The following NRXN1 variants were observed in gnomAD, a reference collection of about 807,000 sequenced individuals.
NRXN1 encodes neurexin 1, also known as neurexin-1.
NRXN1 carries 39 observed loss-of-function variants against 150.9 expected under a neutral mutation model. The observed-to-expected ratio is 0.26, with a 90% CI of 0.20 to 0.34. NRXN1 has a LOEUF of 0.34. Ranked by LOEUF, NRXN1 falls within the 10% of genes least tolerant of loss-of-function variation. NRXN1 has a pLI of 1.00. For synonymous variants in NRXN1, 924 were observed against 757.0 expected (o/e 1.22, Z -3.62); for missense variants, 1,815 against 1,949.9 (o/e 0.93, Z 1.30).
intron 18 of NRXN1, among the ~76,000 whole-genome samples, chr2:50,199,620 A>C (rs1488739015): frequency 6.6e-6 from 1 of 151,762 alleles, no homozygotes; most frequent in Non-Finnish European, 1.5e-5. Context: ...TCTCTATTTA[A>C]GTTTTCTGGT....
At chr2:50,174,542 C>T (rs2060233395) in intron 18 of NRXN1, 1 of 152,146 alleles carries the variant, frequency 6.6e-6, no homozygotes, top group East Asian at 1.9e-4. Context: ...ATACTAGTTA[C>T]ATTCATATGA....
At chr2:50,430,919 G>A (rs1425938878) in intron 17 of NRXN1, among the ~76,000 whole-genome samples, 1 of 152,072 alleles carries the variant, frequency 6.6e-6, no homozygotes, top group Non-Finnish European at 1.5e-5. Context: ...TCACCTTCAA[G>A]CTCAGAAAAT....
chr2:50,019,909 C>A lies in NRXN1; in HGVS notation c.4128+33362G>T, dbSNP rs1426338355. On this transcript the variant is annotated intron_variant, in intron 21 of 22. Coordinates refer to ENST00000401669, the MANE Select transcript of NRXN1 (RefSeq NM_001330078.2). ...CTTGCAGTGAGCCGAGATCGCGCCA[C>A]TGCACTCCGGCCTGGGTGACAAAGC... is the stretch of plus-strand genomic sequence containing the variant. 2.2e-4 allele frequency among the ~76,000 whole-genome samples: 30 copies of A among 134,506 alleles called. 1 individual carries two copies. The highest frequency in any genetic ancestry group is 8.2e-4 in the African/African-American group (29 of 35,582). The allele number at this position is 134,506 out of a possible 152,430, so 88.2% of individuals were successfully genotyped here.
intron 5 of NRXN1, among the ~76,000 whole-genome samples, chr2:50,822,013 T>G (rs918853044): frequency 6.6e-6 from 1 of 152,142 alleles, no homozygotes; most frequent in Non-Finnish European, 1.5e-5. Context: ...GGAAAACATT[T>G]TAAACACTAA....
At chr2:50,448,603 T>C (rs1460526441) in intron 17 of NRXN1, among the ~76,000 whole-genome samples, 1 of 152,210 alleles carries the variant, frequency 6.6e-6, no homozygotes, top group Non-Finnish European at 1.5e-5. Flanking sequence ...TAATTGAATT[T>C]TATGACACTT....
chr2:50,688,058 T>G (rs973968055), intron 5 of NRXN1, among the ~76,000 whole-genome samples: 5 of 152,154 alleles, frequency 3.3e-5, no homozygotes, highest in Admixed American at 2.0e-4. Context: ...ACCTTCTCCT[T>G]TATAGTAGAA....
chr2:50,792,643 G>T (rs573892304), intron 5 of NRXN1, among the ~76,000 whole-genome samples: 1 of 151,726 alleles, frequency 6.6e-6, no homozygotes, highest in East Asian at 1.9e-4. Flanking sequence ...TGAGAAAATG[G>T]GTATAAAACC....
chr2:50,700,035 TAGA>T (rs1054809027), intron 5 of NRXN1, among the ~76,000 whole-genome samples: 8 of 152,172 alleles, frequency 5.3e-5, no homozygotes, highest in Non-Finnish European at 1.0e-4. Context: ...AAAAGATAAG[TAGA>T]AGAACTAATA....
At chr2:50,070,620 A>G (rs577159884) in intron 19 of NRXN1, among the ~76,000 whole-genome samples, 54 of 151,756 alleles carry the variant, frequency 3.6e-4, no homozygotes, top group Non-Finnish European at 6.9e-4. Flanking sequence ...AATACAAAAA[A>G]TTATCCGGGC....
intron 5 of NRXN1, among the ~76,000 whole-genome samples, chr2:50,773,614 T>C (rs1284344643): frequency 6.6e-6 from 1 of 152,140 alleles, no homozygotes; most frequent in Admixed American, 6.6e-5. Context: ...TAATCCTGTG[T>C]TCTCAGAAGC....
intron 19 of NRXN1, among the ~76,000 whole-genome samples, chr2:50,064,754 C>T (rs1170086252): frequency 6.6e-6 from 1 of 152,106 alleles, no homozygotes; most frequent in Non-Finnish European, 1.5e-5. Context: ...TCAATAAATA[C>T]ATCAATGCCT....
chr2:50,210,758 C>T (rs1040963793), intron 18 of NRXN1, among the ~76,000 whole-genome samples: 7 of 151,272 alleles, frequency 4.6e-5, no homozygotes, highest in Admixed American at 3.3e-4. Flanking sequence ...AGATAATGTA[C>T]TAGTTATGAA....
chr2:50,442,506 G>A (rs2086046005), intron 17 of NRXN1, among the ~76,000 whole-genome samples: 1 of 152,086 alleles, frequency 6.6e-6, no homozygotes, highest in South Asian at 2.1e-4. Flanking sequence ...AGAAGATGAA[G>A]GAGGGAGAAA....
chr2:50,596,897 C>T (rs147300729), intron 8 of NRXN1, among the ~76,000 whole-genome samples: 34 of 119,914 alleles, frequency 2.8e-4, no homozygotes, highest in African/African-American at 1.0e-3. Flanking sequence ...GACCCAGTCT[C>T]GCTCTGTTAC....
chr2:50,478,642 G>A (rs1225115596), intron 15 of NRXN1, among the ~76,000 whole-genome samples: 1 of 152,104 alleles, frequency 6.6e-6, no homozygotes, highest in South Asian at 2.1e-4. Context: ...TGCTTCTGTA[G>A]GAAATAACCA....
intron 5 of NRXN1, among the ~76,000 whole-genome samples, chr2:50,880,779 T>G (rs1679317214): frequency 6.6e-6 from 1 of 151,938 alleles, no homozygotes; most frequent in Non-Finnish European, 1.5e-5. Flanking sequence ...AGAAATACAC[T>G]GAAAATAATG....
At chr2:50,825,211 A>T (rs1670286459) in intron 5 of NRXN1, among the ~76,000 whole-genome samples, 1 of 152,156 alleles carries the variant, frequency 6.6e-6, no homozygotes, top group Non-Finnish European at 1.5e-5. Context: ...TGTGATTTAA[A>T]ATGAGATATA....
At chr2:50,171,410 A>T (rs2060024399) in intron 18 of NRXN1, among the ~76,000 whole-genome samples, 1 of 146,368 alleles carries the variant, frequency 6.8e-6, no homozygotes, top group Admixed American at 7.3e-5. Context: ...AGGCCTCTCA[A>T]TTCATTTTTA....
chr2:50,456,785 C>G (rs773154576), intron 17 of NRXN1, among the ~76,000 whole-genome samples: 4 of 152,042 alleles, frequency 2.6e-5, no homozygotes, highest in Non-Finnish European at 5.9e-5. Context: ...CATGCATCCT[C>G]TTGTATTTCT....
Sources: allele counts gnomAD v4.1 joint callset (sites outside exome capture counted in the v4.1 genomes callset), GRCh38; gene constraint gnomAD v4.1.1; transcripts MANE v1.5; gene names NCBI Gene and HGNC (gene_info 2026-07-23, HGNC 2026-07-21).